SCAMP1: variants seen among roughly 807,000 people sequenced by gnomAD.
The protein encoded by SCAMP1 is secretory carrier-associated membrane protein 1.
A neutral mutation model predicts 41.8 loss-of-function variants in SCAMP1; 15 were observed. The observed-to-expected ratio is 0.36, with a 90% CI of 0.24 to 0.55. The LOEUF (loss-of-function observed/expected upper bound fraction) is 0.55. SCAMP1 is among the 20% of genes least tolerant of loss of function. The pLI is 0.86. For synonymous variants in SCAMP1, 135 were observed against 136.8 expected, an observed-to-expected ratio of 0.99 and a Z score of 0.09; for missense variants, 341 against 412.6, an observed-to-expected ratio of 0.83 and a Z score of 1.50.
At position 78,480,033 on chromosome 5, in the gene SCAMP1, G is replaced by A. The variant is rs929178515; in HGVS notation, c.*4365G>A. Among the ~76,000 whole-genome samples the A allele has an allele frequency of 4.7e-5, 7 of 148,320 alleles. No individual in the cohort carries two copies. In the East Asian group the frequency reaches 1.2e-3, roughly 26 times the overall value. On this transcript the variant is annotated 3_prime_UTR_variant, in exon 9 of 9. Coordinates refer to ENST00000621999, the MANE Select transcript of SCAMP1 (RefSeq NM_004866.6). ...TGCACTCCAGCCTGGGCGACAGAGC[G>A]AGACTCCATCTCAAGAAAAAAAAAA...
chr5:78,459,179 A>G, intron 7 of SCAMP1, 66 bp from the exon 8 acceptor site: 1 of 754,708 alleles, frequency 1.3e-6, no homozygotes, highest in Non-Finnish European at 2.4e-6. Flanking sequence ...TATGTGTTAG[A>G]TATTATGCTA....
chr5:78,364,989 G>A (rs931744924), intron 1 of SCAMP1, among the ~76,000 whole-genome samples: 1 of 152,010 alleles, frequency 6.6e-6, no homozygotes, highest in East Asian at 1.9e-4. Context: ...TAACCTGTAC[G>A]TTGTGCACAT....
Position 78,478,929 on chromosome 5 carries a change from A to T in SCAMP1, c.*3261A>T, listed in dbSNP as rs148681088. The T allele has an allele frequency of 6.6e-6, 1 of 152,144 alleles. No homozygotes were observed. The highest frequency in any genetic ancestry group is 1.5e-5 in the Non-Finnish European group (1 of 67,984). The allele number at this position is 152,144 out of a possible 1,614,324, so 9.4% of individuals were successfully genotyped here. On this transcript the variant is annotated 3_prime_UTR_variant, in exon 9 of 9. Transcript: ENST00000621999. ...TTATTCTGTAATTCATGTTAAGATTATGTATGGTTTGCATTTTAAGGGGAT... is the reference window on the plus strand; with the variant it reads ...TTATTCTGTAATTCATGTTAAGATTTTGTATGGTTTGCATTTTAAGGGGAT...
At chr5:78,433,781 G>C (rs1331116594) in intron 6 of SCAMP1, among the ~76,000 whole-genome samples, 1 of 152,076 alleles carries the variant, frequency 6.6e-6, no homozygotes, top group Non-Finnish European at 1.5e-5. Flanking sequence ...GGGGAGTTAG[G>C]GGTGGAGGAT....
intron 7 of SCAMP1, among the ~76,000 whole-genome samples, chr5:78,451,069 T>A (rs947424657): frequency 1.3e-5 from 2 of 152,238 alleles, no homozygotes; most frequent in African/African-American, 4.8e-5. Flanking sequence ...GAGGTTTTTT[T>A]AATTCTCGTG....
At chr5:78,456,536 G>GT (rs1409169864) in intron 7 of SCAMP1, among the ~76,000 whole-genome samples, 4 of 151,402 alleles carry the variant, frequency 2.6e-5, no homozygotes, top group Non-Finnish European at 4.4e-5. Flanking sequence ...GGCTTGTAGG[G>GT]TTTCTGCCGA....
chr5:78,360,816 C>T (rs575950776), intron 1 of SCAMP1, 88 bp downstream of exon 1: 69 of 1,309,940 alleles, frequency 5.3e-5, no homozygotes, highest in Non-Finnish European at 3.0e-5. Context: ...CTGCGTCTGC[C>T]CCTCGGCTCC....
chr5:78,473,232 G>A lies in SCAMP1; in HGVS notation c.853-2272G>A, dbSNP rs141211179. ...ACACTTTGATCTGTAGTAATATGGC[G>A]TTTGCTTTTACCACTGTATCAGAAG... On this transcript the variant is annotated intron_variant, in intron 8 of 8. Coordinates refer to ENST00000621999, the MANE Select transcript of SCAMP1 (RefSeq NM_004866.6). Among the ~76,000 whole-genome samples, 834 of 152,194 alleles carry A rather than the reference G, an allele frequency of 5.5e-3. 4 individuals are homozygous for A. The highest frequency in any genetic ancestry group is 0.019 in the African/African-American group (787 of 41,538).
intron 7 of SCAMP1, among the ~76,000 whole-genome samples, chr5:78,457,438 C>G (rs992673457): frequency 6.6e-6 from 1 of 151,860 alleles, no homozygotes; most frequent in Non-Finnish European, 1.5e-5. Context: ...GTTGGAATAC[C>G]CTGTCGTGTA....
chr5:78,361,424 A>C (rs1750649517), intron 1 of SCAMP1, among the ~76,000 whole-genome samples: 1 of 152,178 alleles, frequency 6.6e-6, no homozygotes, highest in South Asian at 2.1e-4. Flanking sequence ...AGCTGCTTCT[A>C]GCAAGGTAAA....
intron 6 of SCAMP1, among the ~76,000 whole-genome samples, chr5:78,430,637 A>C (rs1193473983): frequency 6.6e-6 from 1 of 152,146 alleles, no homozygotes; most frequent in African/African-American, 2.4e-5. Context: ...TTTAGAGTCT[A>C]CAAATCATGT....
intron 6 of SCAMP1, among the ~76,000 whole-genome samples, chr5:78,439,080 C>T (rs1035923331): frequency 2.0e-4 from 30 of 152,280 alleles, no homozygotes; most frequent in African/African-American, 7.0e-4. Flanking sequence ...GATCTTCCTC[C>T]ATCCCTTTAT....
At chr5:78,397,791 C>T (rs1271774476) in intron 2 of SCAMP1, among the ~76,000 whole-genome samples, 1 of 152,056 alleles carries the variant, frequency 6.6e-6, no homozygotes, top group Non-Finnish European at 1.5e-5. Context: ...AGTGGTGAGT[C>T]CACATGGACT....
intron 2 of SCAMP1, among the ~76,000 whole-genome samples, chr5:78,394,811 G>A (rs1218496817): frequency 1.3e-5 from 2 of 151,986 alleles, no homozygotes; most frequent in Admixed American, 6.5e-5. Context: ...TCCTAGTATC[G>A]TTGGCTAGAA....
At chr5:78,408,082 G>A (rs548412327) in intron 2 of SCAMP1, among the ~76,000 whole-genome samples, 1 of 152,248 alleles carries the variant, frequency 6.6e-6, no homozygotes, top group Admixed American at 6.5e-5. Context: ...TGGTGTATTA[G>A]TCAGTTCTCA....
rs1754041645 is a variant in SCAMP1 at position 78,477,857 on chromosome 5, A to T, written c.*2189A>T. On this transcript the variant is annotated 3_prime_UTR_variant, in exon 9 of 9. Transcript: ENST00000621999. ...AAAGGAACTTTAAATTCTTATATTT[A>T]CTTTTCTCTCAGTAAATTGTTAAAT... 6.6e-6 allele frequency: 1 copy of T among 152,164 alleles called. No individual in the cohort carries two copies. The highest frequency in any genetic ancestry group is 1.5e-5 in the Non-Finnish European group (1 of 67,976). 9.4% of individuals were successfully genotyped at this position (152,164 alleles called of 1,614,324 possible). A position where few individuals can be genotyped will look rare whatever the true frequency, so the allele number is the denominator to read the frequency against.
rs561206035 is a variant in SCAMP1, at chr5:78,390,168, G to A, written c.135+1254G>A. 2.6e-4 allele frequency among the ~76,000 whole-genome samples: 40 copies of A among 152,250 alleles called. 1 individual carries two copies. The South Asian group carries it at 8.1e-3, about 31-fold the overall frequency. ...CTGAGTTGTAGGACATCTAGATGGTGTCCAAAGAGTTGGGGAATTGGTTGG... is the reference window on the plus strand; with the variant it reads ...CTGAGTTGTAGGACATCTAGATGGTATCCAAAGAGTTGGGGAATTGGTTGG... On this transcript the variant is annotated intron_variant, in intron 2 of 8. Transcript: ENST00000621999.
intron 2 of SCAMP1, among the ~76,000 whole-genome samples, chr5:78,394,259 C>T (rs532828856): frequency 8.5e-5 from 13 of 152,188 alleles, no homozygotes; most frequent in African/African-American, 3.1e-4. Flanking sequence ...TAAAGAGGAC[C>T]TGCATTTTAA....
At position 78,459,481 on chromosome 5, in the gene SCAMP1, T is replaced by C. The variant is rs1214977248; in HGVS notation, c.852+119T>C. On this transcript the variant is annotated intron_variant, in intron 8 of 8. Coordinates refer to ENST00000621999, the MANE Select transcript of SCAMP1 (RefSeq NM_004866.6). ...TTTTATCGTTATTGTATGAGTTTGC[T>C]CTCTGAGGATTACTTTTTACAATTA... 12 of 591,420 alleles carry C rather than the reference T, an allele frequency of 2.0e-5. No individual in the cohort carries two copies. The East Asian group carries it at 3.7e-4, about 18-fold the overall frequency. 36.6% of individuals were successfully genotyped at this position (591,420 alleles called of 1,614,324 possible). A position where few individuals can be genotyped will look rare whatever the true frequency, so the allele number is the denominator to read the frequency against.
Sources: gnomAD v4.1 joint callset for allele counts (sites outside exome capture counted in the v4.1 genomes callset) on GRCh38, gnomAD v4.1.1 for gene constraint, MANE v1.5 for transcripts, NCBI Gene and HGNC (gene_info 2026-07-23, HGNC 2026-07-21) for gene names.